The following ARHGAP42 variants were observed in gnomAD, a reference collection of about 807,000 sequenced individuals.
ARHGAP42 encodes the protein rho GTPase-activating protein 42.
ARHGAP42 carries 63 observed loss-of-function variants against 125.0 expected under a neutral mutation model. The observed-to-expected ratio is 0.50, with a 90% CI of 0.41 to 0.62. The LOEUF is 0.62. ARHGAP42 is among the 20% of genes least tolerant of loss of function. The probability of loss-of-function intolerance (pLI) is 0.00; values close to 1 mark genes in which losing one functional copy is unlikely to be tolerated. For missense variants in ARHGAP42, 766 were observed against 1,024.2 expected, an observed-to-expected ratio of 0.75 and a Z score of 3.44; for synonymous variants, 339 against 351.0, an observed-to-expected ratio of 0.97 and a Z score of 0.38.
At chr11:100,788,130 A>G (rs1201682806) in intron 2 of ARHGAP42, among the ~76,000 whole-genome samples, 1 of 152,228 alleles carries the variant, frequency 6.6e-6, no homozygotes, top group African/African-American at 2.4e-5. Context: ...AATAATGTCT[A>G]GTAAGCTCCT....
At chr11:100,849,328 G>A (rs1444258888) in intron 3 of ARHGAP42, among the ~76,000 whole-genome samples, 1 of 152,118 alleles carries the variant, frequency 6.6e-6, no homozygotes, top group Non-Finnish European at 1.5e-5. Flanking sequence ...TGGAAAACTG[G>A]CCCATAGTTT....
chr11:100,691,557 C>G (rs1001007217), intron 1 of ARHGAP42, among the ~76,000 whole-genome samples: 1 of 152,142 alleles, frequency 6.6e-6, no homozygotes, highest in African/African-American at 2.4e-5. Flanking sequence ...CAGGGTCACT[C>G]TGTCATGGAG....
At chr11:100,966,547 G>A (rs904124900) in intron 17 of ARHGAP42, among the ~76,000 whole-genome samples, 9 of 151,900 alleles carry the variant, frequency 5.9e-5, no homozygotes, top group Non-Finnish European at 1.2e-4. Context: ...GATTGGATGA[G>A]GCCCACCTAC....
chr11:100,888,248 G>GC (rs1478569277), intron 4 of ARHGAP42, among the ~76,000 whole-genome samples: 3 of 147,044 alleles, frequency 2.0e-5, no homozygotes, highest in Non-Finnish European at 4.5e-5. Context: ...AAAAAAAAAA[G>GC]CTTTTCCATA....
chr11:100,735,002 AAAC>A lies in ARHGAP42; in HGVS notation c.155-35317_155-35315del, dbSNP rs201001433. On this transcript the variant is annotated intron_variant, in intron 1 of 23. Coordinates refer to ENST00000298815, the MANE Select transcript of ARHGAP42 (RefSeq NM_152432.4). ...CAATCTGAAAACAACTACAACAACA[AAAC>A]AACAACAACAACAACAACAACAAAA... Among the ~76,000 whole-genome samples, 1,277 of 151,908 alleles carry A rather than the reference AAAC, an allele frequency of 8.4e-3. 14 individuals carry two copies. Among genetic ancestry groups the A allele is most frequent in the African/African-American group, 0.029 (1,217 of 41,340 alleles).
At chr11:100,776,338 AG>A (rs1056011985) in intron 2 of ARHGAP42, among the ~76,000 whole-genome samples, 2 of 152,196 alleles carry the variant, frequency 1.3e-5, no homozygotes, top group African/African-American at 4.8e-5. Flanking sequence ...CTAGACTCTC[AG>A]GAAAGTCTTG....
At chr11:100,697,217 C>G (rs1189243632) in intron 1 of ARHGAP42, among the ~76,000 whole-genome samples, 2 of 151,582 alleles carry the variant, frequency 1.3e-5, no homozygotes, top group African/African-American at 2.4e-5. Context: ...AAGTCTCGCT[C>G]TGTCGCCCAG....
intron 4 of ARHGAP42, among the ~76,000 whole-genome samples, chr11:100,879,155 T>C (rs1334083949): frequency 2.0e-5 from 3 of 152,182 alleles, no homozygotes; most frequent in African/African-American, 7.2e-5. Context: ...CACTTCAAGC[T>C]TGTCAAATCA....
intron 16 of ARHGAP42, among the ~76,000 whole-genome samples, chr11:100,964,292 G>A (rs1359996576): frequency 2.0e-5 from 3 of 152,106 alleles, no homozygotes; most frequent in Admixed American, 6.6e-5. Context: ...TCTTTCTGGA[G>A]GATCTCTCAT....
chr11:100,952,209 TTTG>T (rs1195675708), intron 12 of ARHGAP42, among the ~76,000 whole-genome samples: 1 of 152,196 alleles, frequency 6.6e-6, no homozygotes, highest in Non-Finnish European at 1.5e-5. Flanking sequence ...TTCACTTTAT[TTTG>T]TTTTCATAAA....
At chr11:100,924,625 C>T (rs1422795492) in intron 6 of ARHGAP42, among the ~76,000 whole-genome samples, 1 of 151,828 alleles carries the variant, frequency 6.6e-6, no homozygotes, top group East Asian at 1.9e-4. Flanking sequence ...CGAAATCGCG[C>T]CGCTGGACTC....
At chr11:100,692,035 C>G (rs1331594397) in intron 1 of ARHGAP42, among the ~76,000 whole-genome samples, 1 of 152,106 alleles carries the variant, frequency 6.6e-6, no homozygotes, top group Non-Finnish European at 1.5e-5. Flanking sequence ...AAGAGTTATA[C>G]TCACTGAATT....
At chr11:100,939,633 A>G (rs574812182) in intron 8 of ARHGAP42, among the ~76,000 whole-genome samples, 1 of 152,214 alleles carries the variant, frequency 6.6e-6, no homozygotes, top group Non-Finnish European at 1.5e-5. Context: ...TATTCATCTC[A>G]GCAACCTTAA....
At chr11:100,750,644 G>A (rs531825259) in intron 1 of ARHGAP42, among the ~76,000 whole-genome samples, 2 of 151,976 alleles carry the variant, frequency 1.3e-5, no homozygotes, top group African/African-American at 2.4e-5. Flanking sequence ...GAGTGATGGG[G>A]TGAGTGGTTT....
At chr11:100,984,842 A>G (rs1858633964) in intron 22 of ARHGAP42, among the ~76,000 whole-genome samples, 1 of 152,084 alleles carries the variant, frequency 6.6e-6, no homozygotes, top group Non-Finnish European at 1.5e-5. Flanking sequence ...ATCCTCTTCA[A>G]TACACCAAGA....
At chr11:100,955,459 A>G (rs1009379014) in intron 12 of ARHGAP42, among the ~76,000 whole-genome samples, 1 of 152,116 alleles carries the variant, frequency 6.6e-6, no homozygotes, top group Non-Finnish European at 1.5e-5. Flanking sequence ...GGACTGGGAA[A>G]GTGTTCACAA....
rs1411056201 is a variant in ARHGAP42, at chr11:100,989,415, A to C, written c.*614A>C. On this transcript the variant is annotated 3_prime_UTR_variant, in exon 24 of 24. Transcript: ENST00000298815. ...TATAAAGGAAGCAAAATTAAGTCAT[A>C]CACTGATTCCACTGTAAACAATCTG... The C allele has an allele frequency of 1.7e-5, 5 of 291,298 alleles. No individual in the cohort carries two copies. Among genetic ancestry groups the C allele is most frequent in the Non-Finnish European group, 3.1e-5 (5 of 159,376 alleles). The allele number at this position is 291,298 out of a possible 1,614,324, so 18.0% of individuals were successfully genotyped here.
chr11:100,780,091 GTT>G (rs1238631237), intron 2 of ARHGAP42, among the ~76,000 whole-genome samples: 2 of 151,692 alleles, frequency 1.3e-5, no homozygotes, highest in Non-Finnish European at 2.9e-5. Context: ...TTAAACCAGA[GTT>G]AAAAATTTAT....
rs1258987677 is a variant in ARHGAP42, at chr11:100,830,803, T to C, written c.313-28751T>C. Among the ~76,000 whole-genome samples the C allele has an allele frequency of 3.3e-5, 5 of 152,064 alleles. 1 individual carries two copies. The highest frequency in any genetic ancestry group is 1.3e-4 in the Admixed American group (2 of 15,252). ...TGGGAGATGGAGTACAGGTGAACAA[T>C]TTGTCAGCTCGGGCAAGGTCAATAG... On this transcript the variant is annotated intron_variant, in intron 3 of 23. Transcript: ENST00000298815.
Sources: allele counts gnomAD v4.1 joint callset (sites outside exome capture counted in the v4.1 genomes callset), GRCh38; gene constraint gnomAD v4.1.1; transcripts MANE v1.5; gene names NCBI Gene and HGNC (gene_info 2026-07-23, HGNC 2026-07-21).